FBXO47: variants seen among roughly 807,000 people sequenced by gnomAD.
FBXO47 encodes F-box protein 47.
In FBXO47, 34 loss-of-function variants were observed where a neutral mutation model predicts 53.9. The ratio of observed to expected loss-of-function variants is 0.63; its 90% CI spans 0.48 to 0.84. The LOEUF (loss-of-function observed/expected upper bound fraction) is 0.84, where lower values mean the gene tolerates loss of function less well. FBXO47 is among the 40% of genes least tolerant of loss of function. The pLI, the probability that FBXO47 is intolerant of heterozygous loss-of-function variation, is 0.00. For synonymous variants in FBXO47, 165 were observed against 181.6 expected (o/e 0.91, Z 0.73); for missense variants, 485 against 541.3 (o/e 0.90, Z 1.03).
chr17:38,946,885 T>A (rs1463549256), intron 6 of FBXO47, among the ~76,000 whole-genome samples: 5 of 109,506 alleles, frequency 4.6e-5, no homozygotes, highest in Non-Finnish European at 8.4e-5. Context: ...TATATATAAA[T>A]ATATATATAA....
intron 8 of FBXO47, among the ~76,000 whole-genome samples, chr17:38,943,355 G>A (rs1297541311): frequency 1.3e-5 from 2 of 152,050 alleles, no homozygotes; most frequent in African/African-American, 4.8e-5. Context: ...AAATGAAGAA[G>A]CTTTCAAATA....
At chr17:38,952,994 T>G (rs1267264935) in intron 5 of FBXO47, among the ~76,000 whole-genome samples, 14 of 151,496 alleles carry the variant, frequency 9.2e-5, no homozygotes, top group Non-Finnish European at 2.1e-4. Context: ...ACACTTTCAT[T>G]GGCTGGGCAC....
chr17:38,962,353 T>A (rs764787243), intron 2 of FBXO47, among the ~76,000 whole-genome samples: 2 of 152,162 alleles, frequency 1.3e-5, no homozygotes, highest in Non-Finnish European at 2.9e-5. Flanking sequence ...CAGTGACTCA[T>A]GCCTGTAATC....
At chr17:38,946,213 CA>C (rs1285624288) in intron 6 of FBXO47, among the ~76,000 whole-genome samples, 2 of 78,540 alleles carry the variant, frequency 2.5e-5, no homozygotes, top group Non-Finnish European at 4.5e-5. Context: ...TAAATATATA[CA>C]AAAATATATA....
At chr17:38,951,434 T>G (rs12232547) in intron 6 of FBXO47, 147 bp downstream of exon 6, 2 of 550,750 alleles carry the variant, frequency 3.6e-6, no homozygotes, top group Non-Finnish European at 6.3e-6. Flanking sequence ...ACTCAAGTGA[T>G]CCTCCCACCT....
At chr17:38,946,841 T>TAAATATATAA (rs1904924705) in intron 6 of FBXO47, among the ~76,000 whole-genome samples, 1 of 103,912 alleles carries the variant, frequency 9.6e-6, no homozygotes, top group African/African-American at 4.2e-5. Context: ...TAAATATATA[T>TAAATATATAA]AAACATATAA....
intron 7 of FBXO47, 24 bp downstream of exon 7, chr17:38,944,936 C>T (rs1904681251): frequency 2.5e-6 from 4 of 1,598,090 alleles, no homozygotes; most frequent in Non-Finnish European, 3.4e-6. Flanking sequence ...AGTTATGTTA[C>T]AACCCTGAAA....
chr17:38,963,745 A>C (rs1401985251), intron 1 of FBXO47, among the ~76,000 whole-genome samples: 1 of 151,790 alleles, frequency 6.6e-6, no homozygotes, highest in Non-Finnish European at 1.5e-5. Flanking sequence ...TAAGCAGTGA[A>C]TTAAAGTCTT....
intron 1 of FBXO47, among the ~76,000 whole-genome samples, chr17:38,965,655 C>T (rs554969349): frequency 1.4e-5 from 2 of 140,330 alleles, no homozygotes; most frequent in Non-Finnish European, 3.0e-5. Context: ...CGGTGGATCA[C>T]GAGGTCAGGA....
intron 5 of FBXO47, among the ~76,000 whole-genome samples, chr17:38,953,039 G>A (rs560894852): frequency 2.0e-5 from 3 of 151,470 alleles, no homozygotes; most frequent in Non-Finnish European, 4.4e-5. Flanking sequence ...CACTTTGGGA[G>A]GCCGAGGCAA....
intron 6 of FBXO47, among the ~76,000 whole-genome samples, chr17:38,945,886 A>C (rs2143903818): frequency 6.8e-6 from 1 of 147,282 alleles, no homozygotes; most frequent in African/African-American, 2.5e-5. Context: ...TAGTGAGCCA[A>C]GATCGTGCCA....
chr17:38,939,180 C>A (rs1024985755), intron 9 of FBXO47, among the ~76,000 whole-genome samples: 1 of 148,640 alleles, frequency 6.7e-6, no homozygotes, highest in Non-Finnish European at 1.5e-5. Flanking sequence ...ATAATCCCAC[C>A]TACTCAGGAG....
intron 3 of FBXO47, among the ~76,000 whole-genome samples, chr17:38,958,570 A>G (rs1476233425): frequency 2.6e-5 from 4 of 152,032 alleles, no homozygotes; most frequent in Non-Finnish European, 5.9e-5. Context: ...TAAACGTTCT[A>G]TTTTCCTAAA....
chr17:38,943,510 G>A (rs1368324940), intron 8 of FBXO47, 80 bp downstream of exon 8: 3 of 893,152 alleles, frequency 3.4e-6, no homozygotes, highest in Non-Finnish European at 4.8e-6. Context: ...TTTGTTACCT[G>A]TAGAATTATC....
At chr17:38,944,853 T>A in intron 7 of FBXO47, 107 bp downstream of exon 7, 1 of 793,766 alleles carries the variant, frequency 1.3e-6, no homozygotes, top group Non-Finnish European at 2.0e-6. Context: ...CATGCATGTG[T>A]GTGTGTGTGT....
intron 9 of FBXO47, among the ~76,000 whole-genome samples, chr17:38,940,776 A>C (rs1598135428): frequency 6.6e-6 from 1 of 151,880 alleles, no homozygotes. Context: ...CCTGGGCTCA[A>C]GTGATCCTCC....
At chr17:38,950,882 T>C (rs1324700826) in intron 6 of FBXO47, among the ~76,000 whole-genome samples, 1 of 152,036 alleles carries the variant, frequency 6.6e-6, no homozygotes, top group African/African-American at 2.4e-5. Flanking sequence ...GTCCTTTTAC[T>C]GTAGATGTGT....
At chr17:38,944,848 A>ATGCATGTGTGTGTGTGTGTG in intron 7 of FBXO47, 112 bp downstream of exon 7, 3 of 615,522 alleles carry the variant, frequency 4.9e-6, no homozygotes, top group Non-Finnish European at 8.1e-6. Context: ...GCGTGCATGC[A>ATGCATGTGTGTGTGTGTGTG]TGTGTGTGTG....
chr17:38,946,898 A>C (rs1306094914), intron 6 of FBXO47, among the ~76,000 whole-genome samples: 1 of 116,020 alleles, frequency 8.6e-6, no homozygotes, highest in Non-Finnish European at 1.6e-5. Flanking sequence ...ATATATAAAC[A>C]TATATAAATA....
Sources: allele counts gnomAD v4.1 joint callset (sites outside exome capture counted in the v4.1 genomes callset), GRCh38; gene constraint gnomAD v4.1.1; transcripts MANE v1.5; gene names NCBI Gene and HGNC (gene_info 2026-07-23, HGNC 2026-07-21).